Variants in KCNN2 observed in about 807,000 individuals in gnomAD.
KCNN2 encodes small conductance calcium-activated potassium channel protein 2.
In KCNN2, 24 loss-of-function variants were observed where a neutral mutation model predicts 55.5. That is an observed-to-expected ratio of 0.43 (90% CI 0.31 to 0.61). The LOEUF is 0.61. Among genes scored for constraint, KCNN2 ranks in the 20% least tolerant of loss-of-function variants. KCNN2 has a pLI of 0.08. For synonymous variants in KCNN2, 431 were observed against 336.1 expected (o/e 1.28, Z -3.09); for missense variants, 754 against 853.6 (o/e 0.88, Z 1.45).
intron 2 of KCNN2, among the ~76,000 whole-genome samples, chr5:114,288,495 TATATACAC>T (rs1490455881): frequency 2.0e-4 from 15 of 75,258 alleles, no homozygotes; most frequent in East Asian, 6.3e-4. Context: ...TTTATATATA[TATATACAC>T]ACACACACAC....
chr5:114,193,747 C>A (rs561143510), intron 1 of KCNN2, among the ~76,000 whole-genome samples: 28 of 152,198 alleles, frequency 1.8e-4, no homozygotes, highest in African/African-American at 6.5e-4. Context: ...CTTTCTGTTT[C>A]AGATCTGCCC....
At chr5:114,123,647 GCC>G (rs1751871885) in intron 1 of KCNN2, among the ~76,000 whole-genome samples, 3 of 63,606 alleles carry the variant, frequency 4.7e-5, no homozygotes, top group African/African-American at 1.0e-4. Context: ...ACAGGCGTGA[GCC>G]ACCGCGCCCG....
chr5:114,173,962 A>G (rs1753089944), intron 1 of KCNN2, among the ~76,000 whole-genome samples: 1 of 151,916 alleles, frequency 6.6e-6, no homozygotes, highest in Non-Finnish European at 1.5e-5. Flanking sequence ...CATGCTTTTT[A>G]TTTTAACTTT....
intron 5 of KCNN2, among the ~76,000 whole-genome samples, chr5:114,485,021 C>G (rs1762385743): frequency 6.6e-6 from 1 of 152,112 alleles, no homozygotes. Context: ...CTTCATATAC[C>G]CAAGAGAAGG....
At chr5:114,388,706 C>T (rs1184681825) in intron 2 of KCNN2, among the ~76,000 whole-genome samples, 2 of 152,124 alleles carry the variant, frequency 1.3e-5, no homozygotes, top group Non-Finnish European at 2.9e-5. Context: ...CTCAAAATGT[C>T]TTTCACCCTT....
intron 1 of KCNN2, among the ~76,000 whole-genome samples, chr5:114,218,515 G>C (rs1754056724): frequency 6.6e-6 from 1 of 152,176 alleles, no homozygotes; most frequent in Non-Finnish European, 1.5e-5. Context: ...TATGATTCTA[G>C]CTATGTGACA....
chr5:114,177,812 T>G (rs1753166347), intron 1 of KCNN2, among the ~76,000 whole-genome samples: 1 of 152,136 alleles, frequency 6.6e-6, no homozygotes, highest in Non-Finnish European at 1.5e-5. Context: ...AGACATTATC[T>G]TCTCAGTTAA....
intron 1 of KCNN2, among the ~76,000 whole-genome samples, chr5:114,125,138 T>G (rs1476023647): frequency 6.6e-6 from 1 of 152,178 alleles, no homozygotes; most frequent in African/African-American, 2.4e-5. Flanking sequence ...GAAATCGTGT[T>G]ATAATAGAAT....
chr5:114,270,652 A>G (rs1006058427), intron 2 of KCNN2, among the ~76,000 whole-genome samples: 15 of 152,148 alleles, frequency 9.9e-5, no homozygotes, highest in Admixed American at 9.2e-4. Flanking sequence ...TTTTACTCCC[A>G]TTATGGGCAA....
At chr5:114,324,682 G>A (rs1048595448) in intron 2 of KCNN2, among the ~76,000 whole-genome samples, 1 of 152,200 alleles carries the variant, frequency 6.6e-6, no homozygotes, top group Admixed American at 6.5e-5. Flanking sequence ...TGTTACAGCA[G>A]CAATAGACAG....
At chr5:114,058,604 A>C (rs960187194) in intron 1 of KCNN2, among the ~76,000 whole-genome samples, 2 of 152,324 alleles carry the variant, frequency 1.3e-5, no homozygotes, top group South Asian at 4.1e-4. Context: ...GAATGCAGAC[A>C]CTTTTGTCAG....
intron 1 of KCNN2, among the ~76,000 whole-genome samples, chr5:114,180,204 A>G (rs1753212984): frequency 6.6e-6 from 1 of 152,166 alleles, no homozygotes; most frequent in Non-Finnish European, 1.5e-5. Flanking sequence ...CAAAATCCAT[A>G]TAGACATTTT....
Position 114,344,391 on chromosome 5 carries a change from G to A in KCNN2, c.-184-16554G>A, listed in dbSNP as rs566301763. Among the ~76,000 whole-genome samples the A allele has an allele frequency of 1.6e-4, 24 of 152,212 alleles. No homozygotes were observed. In the South Asian group the frequency reaches 3.3e-3, roughly 21 times the overall value. On this transcript the variant is annotated intron_variant, in intron 2 of 10. Coordinates refer to the KCNN2 transcript ENST00000512097. ...AGAGTGTAGGGTAAGGTCTGGGAGGGCTGCAAGTGTAAAGCTTCTATGTCC... is the reference window on the plus strand; with the variant it reads ...AGAGTGTAGGGTAAGGTCTGGGAGGACTGCAAGTGTAAAGCTTCTATGTCC...
At chr5:114,159,263 T>G (rs1008023916) in intron 1 of KCNN2, among the ~76,000 whole-genome samples, 5 of 152,338 alleles carry the variant, frequency 3.3e-5, no homozygotes, top group East Asian at 3.9e-4. Context: ...GAGATAATCA[T>G]GTGGTTTTTA....
At chr5:114,448,955 A>G (rs149971898) in intron 3 of KCNN2, among the ~76,000 whole-genome samples, 3 of 152,284 alleles carry the variant, frequency 2.0e-5, no homozygotes, top group African/African-American at 7.2e-5. Flanking sequence ...AAAAATTCTC[A>G]GGAATACGTG....
At chr5:114,272,510 G>A (rs1025583585) in intron 2 of KCNN2, among the ~76,000 whole-genome samples, 1 of 151,892 alleles carries the variant, frequency 6.6e-6, no homozygotes, top group South Asian at 2.1e-4. Flanking sequence ...ACATATGTAT[G>A]TACACACACA....
chr5:114,437,271 G>A lies in KCNN2; in HGVS notation c.1638-25778G>A, dbSNP rs1438975190. On this transcript the variant is annotated intron_variant, in intron 3 of 7. Transcript: ENST00000673685. ...TTCTTCCCAGAACAATGGAACAGCAGTCGAGGAATTGAAAACAGTGCCTGC... is the reference window on the plus strand; with the variant it reads ...TTCTTCCCAGAACAATGGAACAGCAATCGAGGAATTGAAAACAGTGCCTGC... 2.6e-5 allele frequency among the ~76,000 whole-genome samples: 4 copies of A among 152,148 alleles called. No individual in the cohort carries two copies. In the South Asian group the frequency reaches 6.2e-4, roughly 24 times the overall value.
intron 1 of KCNN2, among the ~76,000 whole-genome samples, chr5:114,085,298 G>C (rs1561468829): frequency 6.6e-6 from 1 of 151,836 alleles, no homozygotes; most frequent in Non-Finnish European, 1.5e-5. Context: ...AATCTATGGG[G>C]CAAGTTGGGA....
At chr5:114,475,569 G>T (rs1761927672) in intron 5 of KCNN2, among the ~76,000 whole-genome samples, 1 of 151,792 alleles carries the variant, frequency 6.6e-6, no homozygotes, top group Admixed American at 6.5e-5. Flanking sequence ...AAATATGGTT[G>T]TCATGCTATG....
Sources: allele counts gnomAD v4.1 joint callset (sites outside exome capture counted in the v4.1 genomes callset), GRCh38; gene constraint gnomAD v4.1.1; transcripts MANE v1.5; gene names NCBI Gene and HGNC (gene_info 2026-07-23, HGNC 2026-07-21).